The following SMARCA1 variants were observed in gnomAD, a reference collection of about 807,000 sequenced individuals.
SMARCA1 encodes the protein SNF2 related chromatin remodeling ATPase 1.
SMARCA1 carries 17 observed loss-of-function variants against 93.6 expected under a neutral mutation model. The ratio of observed to expected loss-of-function variants is 0.18; its 90% CI spans 0.12 to 0.27. The LOEUF (loss-of-function observed/expected upper bound fraction) is 0.27. Among genes scored for constraint, SMARCA1 ranks in the 10% least tolerant of loss-of-function variants. SMARCA1 has a pLI of 1.00. For missense variants in SMARCA1, 630 were observed against 819.0 expected, an observed-to-expected ratio of 0.77 and a Z score of 2.82; for synonymous variants, 271 against 271.4, an observed-to-expected ratio of 1.00 and a Z score of 0.01.
At chrX:129,460,611 A>C (rs1451680227) in intron 23 of SMARCA1, among the ~76,000 whole-genome samples, 1 of 111,742 alleles carries the variant, frequency 8.9e-6, no homozygotes, top group Non-Finnish European at 1.9e-5. Flanking sequence ...AGAAAAAAAA[A>C]ATTAGCTGTT....
At position 129,513,716 on chromosome X, in the gene SMARCA1, A is replaced by T. The variant is rs771723371; in HGVS notation, c.631-1733T>A. On this transcript the variant is annotated intron_variant, in intron 5 of 24. Coordinates refer to ENST00000371121, the MANE Select transcript of SMARCA1 (RefSeq NM_001282874.2). ...AATAATCCTGGTCCTTCCATTGTCC[A>T]ATTAACCAAGCTCCTCCCCCTCTGA... Among the ~76,000 whole-genome samples, 6 of 109,291 alleles carry T rather than the reference A, an allele frequency of 5.5e-5. No individual in the cohort carries two copies. The South Asian group carries it at 2.3e-3, about 42-fold the overall frequency. The allele number at this position is 109,291 out of a possible 115,157, so 94.9% of individuals were successfully genotyped here.
chrX:129,517,511 A>G (rs1055443431), intron 2 of SMARCA1, among the ~76,000 whole-genome samples: 3 of 111,053 alleles, frequency 2.7e-5, no homozygotes, highest in Non-Finnish European at 5.7e-5. Flanking sequence ...GAGGCCAAAA[A>G]CTTTCCATTT....
intron 24 of SMARCA1, among the ~76,000 whole-genome samples, chrX:129,447,610 T>A (rs376599469): frequency 3.0e-4 from 34 of 111,865 alleles, no homozygotes; most frequent in African/African-American, 1.1e-3. Context: ...ATATTTCATA[T>A]CTTCTATGAT....
At chrX:129,512,058 AC>A (rs1935037774) in intron 5 of SMARCA1, 75 bp from the exon 6 acceptor site, 1 of 818,553 alleles carries the variant, frequency 1.2e-6, no homozygotes, top group African/African-American at 2.1e-5. Flanking sequence ...GAACAACATA[AC>A]AAAAGATCTT....
At chrX:129,451,325 TAA>T (rs1932281329) in intron 23 of SMARCA1, among the ~76,000 whole-genome samples, 1 of 111,843 alleles carries the variant, frequency 8.9e-6, no homozygotes, top group Non-Finnish European at 1.9e-5. Flanking sequence ...CTAGGGAGAC[TAA>T]ATAGAGTCTT....
chrX:129,497,023 C>CA (rs1934362029), intron 11 of SMARCA1, 152 bp from the exon 12 acceptor site: 6 of 400,064 alleles, frequency 1.5e-5, no homozygotes, highest in African/African-American at 2.6e-5. Flanking sequence ...ACACACACAC[C>CA]CCCACACACC....
Position 129,511,963 on chromosome X carries a change from T to C in SMARCA1, c.651A>G (p.Gln217=). ...ADEMGLGKTL[Q]TIALLGYLKH... ...TCAGGTAACCAAGCAAAGCAATTGT[T>C]TGTAAAGTTTTCCCAAGGCCCTGCA... The change falls in exon 6 of 25, where the codon CAA becomes CAG. Residue 217 remains glutamine (Q), a synonymous_variant. Transcript: ENST00000371121. The C allele has an allele frequency of 1.7e-6, 2 of 1,201,609 alleles. No individual in the cohort carries two copies. The highest frequency in any genetic ancestry group is 2.2e-6 in the Non-Finnish European group (2 of 890,988).
rs190522107 is a variant in SMARCA1, at chrX:129,501,076, G to A, written c.1168-1235C>T. Among the ~76,000 whole-genome samples the A allele has an allele frequency of 1.3e-4, 14 of 111,580 alleles. No individual in the cohort carries two copies. The East Asian group carries it at 3.6e-3, about 29-fold the overall frequency. On this transcript the variant is annotated intron_variant, in intron 9 of 24. Transcript: ENST00000371121. ...TTTACATGTATTATTTAATCCTTAC[G>A]ATAAATCTGAAAGAAATGTTATCAT...
chrX:129,500,822 C>T (rs1214260354), intron 9 of SMARCA1, among the ~76,000 whole-genome samples: 1 of 112,132 alleles, frequency 8.9e-6, no homozygotes, highest in African/African-American at 3.2e-5. Context: ...ATGGGACCAC[C>T]ATCATCTATG....
chrX:129,480,091 C>T (rs1933582503), intron 19 of SMARCA1, among the ~76,000 whole-genome samples: 1 of 112,211 alleles, frequency 8.9e-6, no homozygotes, highest in Non-Finnish European at 1.9e-5. Flanking sequence ...CAGAAATTAC[C>T]TGGTATGCTT....
chrX:129,507,227 T>TG (rs1339614769), intron 7 of SMARCA1, among the ~76,000 whole-genome samples: 1 of 111,302 alleles, frequency 9.0e-6, no homozygotes, highest in Non-Finnish European at 1.9e-5. Flanking sequence ...CTACTGTTGA[T>TG]GGAGTTGAAT....
intron 17 of SMARCA1, among the ~76,000 whole-genome samples, chrX:129,486,301 T>C (rs762855922): frequency 1.8e-5 from 2 of 111,087 alleles, no homozygotes; most frequent in Admixed American, 1.9e-4. Flanking sequence ...ATCATTATAC[T>C]AACATGTAAA....
chrX:129,457,723 T>C (rs781661911), intron 23 of SMARCA1, among the ~76,000 whole-genome samples: 15 of 112,157 alleles, frequency 1.3e-4, no homozygotes, highest in Non-Finnish European at 2.8e-4. Context: ...TGTTCCTCTA[T>C]GCAAAGCTAC....
chrX:129,523,351 G>T lies in SMARCA1; in HGVS notation c.20C>A (p.Ala7Glu). 1 of 1,194,344 alleles carries T rather than the reference G, an allele frequency of 8.4e-7. No individual in the cohort carries two copies. Reference protein sequence around the residue: MEQDTAAVAATVAAADA... With the variant: MEQDTAEVAATVAAADA... ...CGCGGCTGCCACGGTGGCTGCCACT[G>T]CGGCAGTGTCCTGCTCCATGCCGTG... The change falls in exon 1 of 25, where the codon GCA becomes GAA. Residue 7 changes from alanine to glutamate, a missense_variant. By Grantham distance (107) the Ala-to-Glu change is moderately radical (BLOSUM62 -1). Around this residue, in one of 4 missense-constraint regions of SMARCA1, gnomAD observed 103 missense variants for 82.0 expected, o/e 1.26. Transcript: ENST00000371121.
intron 1 of SMARCA1, among the ~76,000 whole-genome samples, chrX:129,522,586 C>T (rs1189164944): frequency 9.0e-6 from 1 of 110,876 alleles, no homozygotes; most frequent in Non-Finnish European, 1.9e-5. Context: ...CCCACCTCGG[C>T]AGGCGGGGTT....
intron 19 of SMARCA1, among the ~76,000 whole-genome samples, chrX:129,477,394 A>G (rs1391239925): frequency 9.0e-6 from 1 of 110,936 alleles, no homozygotes; most frequent in African/African-American, 3.3e-5. Flanking sequence ...CTCTACTAAA[A>G]ATACAAAAAT....
rs1374190654 is a variant in SMARCA1 at position 129,465,505 on chromosome X, G to A, written c.3030+15C>T. ...ATAAAAAGTTGGAGGAAATCGGTAA[G>A]AAAGGAATACATACCATGGCAGTCC... On this transcript the variant is annotated intron_variant, in intron 23 of 24. Coordinates refer to ENST00000371121, the MANE Select transcript of SMARCA1 (RefSeq NM_001282874.2). 8.8e-7 allele frequency: 1 copy of A among 1,134,022 alleles called. No individual in the cohort carries two copies. 93.5% of individuals were successfully genotyped at this position (1,134,022 alleles called of 1,213,427 possible).
rs547274312 is a variant in SMARCA1 at position 129,483,504 on chromosome X, C to T, written c.2218-2319G>A. Among the ~76,000 whole-genome samples the T allele has an allele frequency of 8.1e-5, 9 of 111,586 alleles. No homozygotes were observed. In the South Asian group the frequency reaches 2.2e-3, roughly 28 times the overall value. ...TTCCTTCAGATGGATTAATGTGAAG[C>T]GACAGTAATGAAAGAGATATTTTAT... On this transcript the variant is annotated intron_variant, in intron 17 of 24. Coordinates refer to ENST00000371121, the MANE Select transcript of SMARCA1 (RefSeq NM_001282874.2).
In SMARCA1 at chrX:129,523,363, T is replaced by C. The variant is rs1225461284; in HGVS notation, c.8A>G (p.Gln3Arg). 1 of 1,167,398 alleles carries C rather than the reference T, an allele frequency of 8.6e-7. No individual in the cohort carries two copies. Residue 3 changes from glutamine to arginine, a missense_variant, in exon 1 of 25, where the codon CAG becomes CGG. Gln to Arg is a conservative substitution (Grantham distance 43, BLOSUM62 1). Transcript: ENST00000371121. ME[Q>R]DTAAVAATVA... ...GGTGGCTGCCACTGCGGCAGTGTCC[T>C]GCTCCATGCCGTGGGAGCGGGAACG...
Sources: allele counts gnomAD v4.1 joint callset (sites outside exome capture counted in the v4.1 genomes callset), GRCh38; gene constraint gnomAD v4.1.1; regional missense constraint gnomAD v4.1.1; transcripts MANE v1.5; gene names NCBI Gene and HGNC (gene_info 2026-07-23, HGNC 2026-07-21).